Variants in MAML2 observed in about 807,000 individuals in gnomAD.
The protein encoded by MAML2 is mastermind-like protein 2.
MAML2 carries 22 observed loss-of-function variants against 96.1 expected under a neutral mutation model. The observed-to-expected ratio is 0.23, with a 90% CI of 0.16 to 0.33. The LOEUF (loss-of-function observed/expected upper bound fraction) is 0.33. Ranked by LOEUF, MAML2 falls within the 10% of genes least tolerant of loss-of-function variation. The probability of loss-of-function intolerance (pLI) is 1.00; values close to 1 mark genes in which losing one functional copy is unlikely to be tolerated. For synonymous variants in MAML2, 561 were observed against 521.3 expected (o/e 1.08, Z -1.04); for missense variants, 1,367 against 1,392.4 (o/e 0.98, Z 0.29).
intron 1 of MAML2, among the ~76,000 whole-genome samples, chr11:96,125,274 T>C (rs144814845): frequency 7.0e-4 from 107 of 152,252 alleles, no homozygotes; most frequent in African/African-American, 2.6e-3. Flanking sequence ...CACTTTGCCT[T>C]GCACAGGGTG....
chr11:96,208,684 C>G (rs1017170646), intron 1 of MAML2, among the ~76,000 whole-genome samples: 1 of 152,120 alleles, frequency 6.6e-6, no homozygotes, highest in Admixed American at 6.5e-5. Flanking sequence ...AAAGATAACA[C>G]TAGTTCACCA....
intron 1 of MAML2, among the ~76,000 whole-genome samples, chr11:96,208,811 T>TA (rs1052337445): frequency 8.6e-5 from 13 of 150,974 alleles, no homozygotes; most frequent in East Asian, 1.9e-4. Flanking sequence ...TTAAAGAAAT[T>TA]AAAAAAAAAT....
At chr11:96,106,970 GAA>G (rs1860032882) in intron 1 of MAML2, among the ~76,000 whole-genome samples, 1 of 58,150 alleles carries the variant, frequency 1.7e-5, no homozygotes, top group Non-Finnish European at 3.4e-5. Flanking sequence ...TTGTAACTAT[GAA>G]AAGAGTCCTT....
chr11:96,320,740 G>T (rs1369356446), intron 1 of MAML2, among the ~76,000 whole-genome samples: 2 of 152,166 alleles, frequency 1.3e-5, no homozygotes, highest in Non-Finnish European at 1.5e-5. Context: ...AAAACAGCCA[G>T]CATTTGTAGC....
chr11:96,048,399 TA>T (rs1388294009), intron 2 of MAML2, among the ~76,000 whole-genome samples: 2 of 152,164 alleles, frequency 1.3e-5, no homozygotes, highest in South Asian at 2.1e-4. Context: ...CCCAAATAAA[TA>T]AAGTTTAGGA....
chr11:96,180,764 C>T (rs1020318673), intron 1 of MAML2, among the ~76,000 whole-genome samples: 2 of 152,108 alleles, frequency 1.3e-5, no homozygotes, highest in African/African-American at 4.8e-5. Flanking sequence ...GTGAAGAGAC[C>T]ACCAAACAGG....
chr11:96,077,444 C>T (rs1430325731), intron 2 of MAML2, among the ~76,000 whole-genome samples: 1 of 152,026 alleles, frequency 6.6e-6, no homozygotes, highest in African/African-American at 2.4e-5. Context: ...TGGTCTTGAA[C>T]TCCTGACCTC....
intron 2 of MAML2, among the ~76,000 whole-genome samples, chr11:96,023,426 C>G (rs1858467980): frequency 6.6e-6 from 1 of 152,180 alleles, no homozygotes; most frequent in African/African-American, 2.4e-5. Context: ...CTTTTCAGCA[C>G]AGTTCCCACA....
At chr11:96,141,412 T>A (rs1049855134) in intron 1 of MAML2, among the ~76,000 whole-genome samples, 2 of 152,130 alleles carry the variant, frequency 1.3e-5, no homozygotes, top group Non-Finnish European at 1.5e-5. Context: ...GCACAGATAG[T>A]TCTTTATCTT....
intron 1 of MAML2, among the ~76,000 whole-genome samples, chr11:96,128,822 T>A (rs1238733364): frequency 6.6e-6 from 1 of 152,200 alleles, no homozygotes. Context: ...ATAAATCAAA[T>A]GTAAATCTGT....
At chr11:96,275,611 C>T (rs1417439794) in intron 1 of MAML2, among the ~76,000 whole-genome samples, 1 of 152,108 alleles carries the variant, frequency 6.6e-6, no homozygotes, top group African/African-American at 2.4e-5. Flanking sequence ...CATGTGACAA[C>T]TTAAAGTGAA....
intron 1 of MAML2, among the ~76,000 whole-genome samples, chr11:96,250,063 CCAGA>C (rs1324814197): frequency 1.7e-4 from 26 of 152,218 alleles, no homozygotes; most frequent in African/African-American, 5.5e-4. Context: ...AACTCGTTAT[CCAGA>C]CAGTTTCACG....
intron 1 of MAML2, among the ~76,000 whole-genome samples, chr11:96,120,883 G>A (rs1220632588): frequency 6.6e-6 from 1 of 152,190 alleles, no homozygotes; most frequent in Non-Finnish European, 1.5e-5. Flanking sequence ...GAAGAATGCA[G>A]TTAAATTACA....
chr11:96,181,822 T>C (rs1157085160), intron 1 of MAML2, among the ~76,000 whole-genome samples: 1 of 123,188 alleles, frequency 8.1e-6, no homozygotes, highest in Non-Finnish European at 1.7e-5. Flanking sequence ...AACGCTTTAG[T>C]GAAATGCACG....
At chr11:96,183,393 T>TC (rs1177195850) in intron 1 of MAML2, among the ~76,000 whole-genome samples, 5,012 of 81,310 alleles carry the variant, frequency 0.062, 347 homozygotes, top group East Asian at 0.11. Context: ...CCTCCGTTCC[T>TC]CCCCCCCCCC....
chr11:95,984,620 G>A (rs1857797406), intron 4 of MAML2, among the ~76,000 whole-genome samples: 1 of 152,148 alleles, frequency 6.6e-6, no homozygotes, highest in African/African-American at 2.4e-5. Flanking sequence ...GAGGCAACCT[G>A]TTGTATTTGA....
rs1310320492 is a variant in MAML2, at chr11:96,159,404, ATTCTTTTTT to A, written c.514-65896_514-65888del. 9.7e-5 allele frequency among the ~76,000 whole-genome samples: 6 copies of A among 62,000 alleles called. 1 individual carries two copies. Among genetic ancestry groups the A allele is most frequent in the South Asian group, 5.9e-4 (1 of 1,684 alleles). 40.7% of individuals were successfully genotyped at this position (62,000 alleles called of 152,430 possible). On this transcript the variant is annotated intron_variant, in intron 1 of 4. Coordinates refer to ENST00000524717, the MANE Select transcript of MAML2 (RefSeq NM_032427.4). The stretch of plus-strand genomic sequence containing the variant: ...TACTAACCGTGCCTCTAAACCACTG[ATTCTTTTTT>A]TTTTTTTTTTTTTTTTTGAGACGGA...
Position 96,342,671 on chromosome 11 carries a change from T to G in MAML2, c.-776A>C. The G allele has an allele frequency of 2.7e-6, 1 of 368,268 alleles. No homozygotes were observed. The highest frequency in any genetic ancestry group is 4.8e-6 in the Non-Finnish European group (1 of 207,446). The allele number at this position is 368,268 out of a possible 1,614,324, so 22.8% of individuals were successfully genotyped here. A position where few individuals can be genotyped will look rare whatever the true frequency, so the allele number is the denominator to read the frequency against. On this transcript the variant is annotated 5_prime_UTR_variant, in exon 1 of 5. Transcript: ENST00000524717. ...TTAACAATGTCAGTAATTGGACTTTTGGACCATGCTTTTTTCTTCAGCTAA... is the reference window on the plus strand; with the variant it reads ...TTAACAATGTCAGTAATTGGACTTTGGGACCATGCTTTTTTCTTCAGCTAA...
chr11:96,240,544 C>A (rs1311890109), intron 1 of MAML2, among the ~76,000 whole-genome samples: 2 of 64,460 alleles, frequency 3.1e-5, no homozygotes, highest in Non-Finnish European at 6.1e-5. Flanking sequence ...GGCGACAGAG[C>A]GAGACTCCGT....
Sources: allele counts gnomAD v4.1 joint callset (sites outside exome capture counted in the v4.1 genomes callset), GRCh38; gene constraint gnomAD v4.1.1; transcripts MANE v1.5; gene names NCBI Gene and HGNC (gene_info 2026-07-23, HGNC 2026-07-21).